The following SEC11C variants were observed in gnomAD, a reference collection of about 807,000 sequenced individuals.
The protein encoded by SEC11C is SEC11 homolog C, signal peptidase complex subunit, also known as signal peptidase complex catalytic subunit SEC11C.
Under a neutral mutation model 21.9 loss-of-function variants are expected in SEC11C, and 10 were observed. That is an observed-to-expected ratio of 0.46 (90% confidence interval 0.28 to 0.77). The LOEUF is 0.77. Ranked by LOEUF, SEC11C falls within the 30% of genes least tolerant of loss-of-function variation. The probability of loss-of-function intolerance (pLI) is 0.12; values close to 1 mark genes in which losing one functional copy is unlikely to be tolerated. For synonymous variants in SEC11C, 83 were observed against 85.6 expected, an observed-to-expected ratio of 0.97 and a Z score of 0.17; for missense variants, 145 against 244.5, an observed-to-expected ratio of 0.59 and a Z score of 2.71.
intron 5 of SEC11C, 35 bp from the exon 6 acceptor site, chr18:59,158,596 AC>A (rs1473932580): frequency 6.3e-7 from 1 of 1,584,252 alleles, no homozygotes; most frequent in Non-Finnish European, 8.7e-7. Flanking sequence ...TTCTTTGTAG[AC>A]CTCACAGTGA....
chr18:59,149,448 A>T, intron 1 of SEC11C, 65 bp from the exon 2 acceptor site: 2 of 1,057,230 alleles, frequency 1.9e-6, no homozygotes, highest in South Asian at 2.7e-5. Context: ...CTGCATCTCC[A>T]GCTTCACAGG....
intron 3 of SEC11C, 109 bp from the exon 4 acceptor site, chr18:59,155,579 G>GT: frequency 8.3e-7 from 1 of 1,201,332 alleles, no homozygotes; most frequent in South Asian, 1.5e-5. Flanking sequence ...ATCTTTGACT[G>GT]TTTTTCTAAA....
chr18:59,150,485 C>T (rs985848330), intron 2 of SEC11C, among the ~76,000 whole-genome samples: 4 of 152,206 alleles, frequency 2.6e-5, no homozygotes, highest in East Asian at 3.9e-4. Context: ...TTCTAGAGAT[C>T]GCGTTTTCAT....
intron 3 of SEC11C, 47 bp downstream of exon 3, chr18:59,152,732 T>C: frequency 1.3e-6 from 2 of 1,510,234 alleles, no homozygotes; most frequent in Non-Finnish European, 1.8e-6. Flanking sequence ...AAATTTTTGG[T>C]AGATTCATGG....
intron 3 of SEC11C, 53 bp from the exon 4 acceptor site, chr18:59,155,635 T>A: frequency 6.3e-7 from 1 of 1,578,580 alleles, no homozygotes; most frequent in South Asian, 1.2e-5. Context: ...ATATTTTTGT[T>A]AATGATGCTG....
chr18:59,155,141 CACAG>C (rs982839739), intron 3 of SEC11C, among the ~76,000 whole-genome samples: 8 of 152,186 alleles, frequency 5.3e-5, no homozygotes, highest in Non-Finnish European at 1.2e-4. Flanking sequence ...TCAAGTCCAA[CACAG>C]GTTGTTAAAC....
rs2069371034 is a variant in SEC11C, at chr18:59,152,653, A to G, written c.315A>G (p.Pro105=). 6.2e-7 allele frequency: 1 copy of G among 1,611,656 alleles called. No homozygotes were observed. The highest frequency in any genetic ancestry group is 8.5e-7 in the Non-Finnish European group (1 of 1,179,378). Residue 105 remains proline, a synonymous_variant, in exon 3 of 6, where the codon CCA becomes CCG. Transcript: ENST00000587834. The stretch of plus-strand genomic sequence containing the variant: ...TTAAAGTTGAAGGACGAGACATTCC[A>G]ATAGTTCACAGAGTAATCAAAGTTC... ...VVFKVEGRDI[P]IVHRVIKVHE...
chr18:59,153,064 T>C (rs2069377146), intron 3 of SEC11C: 1 of 155,760 alleles, frequency 6.4e-6, no homozygotes. Flanking sequence ...CAAAAAAAGC[T>C]AGCTGTTTTT....
At chr18:59,147,277 A>C (rs560170030) in intron 1 of SEC11C, 1 of 152,200 alleles carries the variant, frequency 6.6e-6, no homozygotes, top group Non-Finnish European at 1.5e-5. Context: ...CATCTCAGTT[A>C]ATATTAAATT....
chr18:59,152,744 TA>T (rs2069372707), intron 3 of SEC11C, 59 bp downstream of exon 3: 1 of 1,434,866 alleles, frequency 7.0e-7, no homozygotes, highest in East Asian at 2.3e-5. Context: ...GATTCATGGC[TA>T]ATTAGAAACT....
intron 4 of SEC11C, 133 bp downstream of exon 4, chr18:59,155,940 T>G (rs1568067791): frequency 9.6e-7 from 1 of 1,039,618 alleles, no homozygotes; most frequent in Non-Finnish European, 1.4e-6. Flanking sequence ...TTCTAGTTTA[T>G]CCTGTGAAGA....
At chr18:59,143,788 G>A (rs148794777) in intron 1 of SEC11C, among the ~76,000 whole-genome samples, 174 of 151,636 alleles carry the variant, frequency 1.1e-3, no homozygotes, top group African/African-American at 4.0e-3. Context: ...AACCCAACCC[G>A]CTTTCTCCTC....
chr18:59,156,470 ATTAT>A (rs2069419405), intron 4 of SEC11C: 2 of 152,204 alleles, frequency 1.3e-5, no homozygotes, highest in Non-Finnish European at 2.9e-5. Flanking sequence ...ATTGCGAATA[ATTAT>A]TTATTTAACC....
chr18:59,148,906 T>C (rs963008602), intron 1 of SEC11C, among the ~76,000 whole-genome samples: 3 of 152,066 alleles, frequency 2.0e-5, no homozygotes, highest in Non-Finnish European at 4.4e-5. Flanking sequence ...TGAGCCACTG[T>C]GCCCAGCCCC....
intron 3 of SEC11C, among the ~76,000 whole-genome samples, chr18:59,153,785 C>T (rs902493379): frequency 2.6e-5 from 4 of 151,544 alleles, no homozygotes; most frequent in African/African-American, 9.7e-5. Flanking sequence ...CAGCTCACTG[C>T]AGCCTCCACC....
intron 1 of SEC11C, among the ~76,000 whole-genome samples, chr18:59,145,713 C>G (rs997744725): frequency 6.6e-6 from 1 of 152,172 alleles, no homozygotes; most frequent in African/African-American, 2.4e-5. Flanking sequence ...CATTTGAAAA[C>G]CAGTACAGTC....
At chr18:59,141,858 C>G (rs2144022556) in intron 1 of SEC11C, among the ~76,000 whole-genome samples, 1 of 152,332 alleles carries the variant, frequency 6.6e-6, no homozygotes, top group African/African-American at 2.4e-5. Flanking sequence ...CAGCTACTGG[C>G]AGTGCTGCTG....
chr18:59,152,469 A>C, intron 2 of SEC11C, 67 bp from the exon 3 acceptor site: 4 of 1,474,880 alleles, frequency 2.7e-6, no homozygotes, highest in Non-Finnish European at 3.6e-6. Context: ...TTCACCTCTG[A>C]CATGTCTATT....
intron 1 of SEC11C, 47 bp downstream of exon 1, chr18:59,140,082 C>A: frequency 6.7e-7 from 1 of 1,495,940 alleles, no homozygotes. Context: ...ACCGCCTGTG[C>A]TAGCGGGGAG....
Sources: gnomAD v4.1 joint callset for allele counts (sites outside exome capture counted in the v4.1 genomes callset) on GRCh38, gnomAD v4.1.1 for gene constraint, MANE v1.5 for transcripts, NCBI Gene and HGNC (gene_info 2026-07-23, HGNC 2026-07-21) for gene names.